Variants in DENND5A observed in about 807,000 individuals in gnomAD.
The protein encoded by DENND5A is DENN domain containing 5A.
A neutral mutation model predicts 140.3 loss-of-function variants in DENND5A; 64 were observed. The observed-to-expected ratio is 0.46, with a 90% CI of 0.37 to 0.56. The LOEUF (loss-of-function observed/expected upper bound fraction) is 0.56, where lower values mean the gene tolerates loss of function less well. Among genes scored for constraint, DENND5A ranks in the 20% least tolerant of loss-of-function variants. The probability of loss-of-function intolerance (pLI) is 0.00; values close to 1 mark genes in which losing one functional copy is unlikely to be tolerated. For missense variants in DENND5A, 1,292 were observed against 1,593.8 expected (o/e 0.81, Z 3.22); for synonymous variants, 605 against 607.7 (o/e 1.00, Z 0.07).
At chr11:9,148,754 C>T (rs1331222349) in intron 15 of DENND5A, among the ~76,000 whole-genome samples, 3 of 152,168 alleles carry the variant, frequency 2.0e-5, no homozygotes, top group Non-Finnish European at 2.9e-5. Flanking sequence ...TGCTTTTGTT[C>T]TCTCTGAGCT....
chr11:9,258,504 C>T (rs1172444910), intron 1 of DENND5A, among the ~76,000 whole-genome samples: 1 of 152,158 alleles, frequency 6.6e-6, no homozygotes, highest in Non-Finnish European at 1.5e-5. Context: ...TATGTGCCAT[C>T]TTCTTTATCC....
chr11:9,164,067 T>TTG (rs1848092786), intron 11 of DENND5A, among the ~76,000 whole-genome samples: 11 of 88,060 alleles, frequency 1.2e-4, no homozygotes, highest in Non-Finnish European at 9.8e-5. Context: ...TTTTTTTTTT[T>TTG]TTTTTTTTTT....
chr11:9,226,939 C>T (rs1340363245), intron 1 of DENND5A, among the ~76,000 whole-genome samples: 3 of 152,010 alleles, frequency 2.0e-5, no homozygotes, highest in Non-Finnish European at 4.4e-5. Context: ...GAGGCCAAGG[C>T]GGGCAGATCA....
chr11:9,252,932 C>A (rs1851794226), intron 1 of DENND5A, among the ~76,000 whole-genome samples: 1 of 151,440 alleles, frequency 6.6e-6, no homozygotes, highest in African/African-American at 2.4e-5. Context: ...TCACCACAGT[C>A]TGGACCTCCC....
At chr11:9,246,611 C>CA (rs369946476) in intron 1 of DENND5A, among the ~76,000 whole-genome samples, 21,350 of 62,632 alleles carry the variant, frequency 0.34, 2,376 homozygotes, top group Non-Finnish European at 0.37. Flanking sequence ...AACTAAGTCT[C>CA]AAAAAAAAAA....
intron 11 of DENND5A, among the ~76,000 whole-genome samples, chr11:9,165,522 C>T (rs1848160569): frequency 6.6e-6 from 1 of 152,124 alleles, no homozygotes; most frequent in Admixed American, 6.5e-5. Flanking sequence ...TCACTGTAGC[C>T]TTGACTTCCC....
At chr11:9,227,880 G>A (rs1850596435) in intron 1 of DENND5A, among the ~76,000 whole-genome samples, 1 of 151,970 alleles carries the variant, frequency 6.6e-6, no homozygotes, top group Non-Finnish European at 1.5e-5. Flanking sequence ...GGCCGTGGGG[G>A]CGGGTGGCGA....
Position 9,212,821 on chromosome 11 carries a change from A to G in DENND5A, c.110-5189T>C, listed in dbSNP as rs892544871. Among the ~76,000 whole-genome samples, 4 of 152,124 alleles carry G rather than the reference A, an allele frequency of 2.6e-5. No homozygotes were observed. In the East Asian group the frequency reaches 7.7e-4, roughly 29 times the overall value. On this transcript the variant is annotated intron_variant, in intron 1 of 22. Coordinates refer to ENST00000328194, the MANE Select transcript of DENND5A (RefSeq NM_015213.4). ...TTACGTATTGTGTGATTCCATTTATATAATATTCTTGAAACAATAAAATTA... is the reference window on the plus strand; with the variant it reads ...TTACGTATTGTGTGATTCCATTTATGTAATATTCTTGAAACAATAAAATTA...
intron 14 of DENND5A, 95 bp from the exon 15 acceptor site, chr11:9,150,304 A>T: frequency 1.4e-6 from 2 of 1,446,300 alleles, no homozygotes; most frequent in Non-Finnish European, 1.9e-6. Flanking sequence ...ACCTGCTGAG[A>T]CAGACTTATC....
rs1386814768 is a variant in DENND5A at position 9,207,650 on chromosome 11, T to C, written c.110-18A>G. Reference sequence around the variant, plus strand: ...GCATAATGCTATATGATAAATGAAATAACAGAGTATTACAATAAAGCAGTG... The same window carrying C: ...GCATAATGCTATATGATAAATGAAACAACAGAGTATTACAATAAAGCAGTG... On this transcript the variant is annotated intron_variant, in intron 1 of 22. Coordinates refer to ENST00000328194, the MANE Select transcript of DENND5A (RefSeq NM_015213.4). 2.2e-5 allele frequency: 34 copies of C among 1,553,436 alleles called. No homozygotes were observed. The highest frequency in any genetic ancestry group is 2.9e-5 in the Non-Finnish European group (33 of 1,125,664).
At chr11:9,175,557 T>C (rs1209295352) in intron 8 of DENND5A, 1 of 152,198 alleles carries the variant, frequency 6.6e-6, no homozygotes, top group Non-Finnish European at 1.5e-5. Flanking sequence ...CTACTTGATT[T>C]CAAGATTTAA....
chr11:9,167,473 A>AT (rs1436484917), intron 10 of DENND5A, among the ~76,000 whole-genome samples: 1 of 141,492 alleles, frequency 7.1e-6, no homozygotes, highest in African/African-American at 2.5e-5. Flanking sequence ...GAGATGAAAG[A>AT]TTAAAAAAAA....
chr11:9,226,456 A>T (rs1850533493), intron 1 of DENND5A, among the ~76,000 whole-genome samples: 1 of 152,162 alleles, frequency 6.6e-6, no homozygotes, highest in Admixed American at 6.6e-5. Context: ...TACCTTGACA[A>T]TGGGAAAAAA....
Position 9,170,596 on chromosome 11 carries a change from T to A in DENND5A, c.2057+31A>T. The A allele has an allele frequency of 1.2e-6, 2 of 1,610,282 alleles. 1 individual carries two copies. The highest frequency in any genetic ancestry group is 2.2e-5 in the South Asian group (2 of 90,788). On this transcript the variant is annotated intron_variant, in intron 9 of 22. Coordinates refer to ENST00000328194, the MANE Select transcript of DENND5A (RefSeq NM_015213.4). ...AGATGACCCTATTACAGCTAGGGAG[T>A]TGGATTAGTGAATCCCTGGGGTTGA...
intron 1 of DENND5A, among the ~76,000 whole-genome samples, chr11:9,241,958 G>A (rs543094342): frequency 2.3e-4 from 34 of 148,662 alleles, no homozygotes; most frequent in Middle Eastern, 7.0e-3. Flanking sequence ...AGGTTGTGGT[G>A]AGCAGAGATT....
chr11:9,205,504 T>C (rs1411794828), intron 3 of DENND5A, among the ~76,000 whole-genome samples: 1 of 152,198 alleles, frequency 6.6e-6, no homozygotes, highest in Non-Finnish European at 1.5e-5. Context: ...TTTCTTCATC[T>C]GTGAAATAAT....
At chr11:9,234,921 G>T (rs190923357) in intron 1 of DENND5A, among the ~76,000 whole-genome samples, 1 of 152,030 alleles carries the variant, frequency 6.6e-6, no homozygotes, top group Non-Finnish European at 1.5e-5. Flanking sequence ...TGAGACTCCC[G>T]ATTTCCCACT....
intron 1 of DENND5A, among the ~76,000 whole-genome samples, chr11:9,263,238 TATCACCCAGACTGGAGTGTAGTGGCGCA>T (rs1227907789): frequency 6.6e-6 from 1 of 151,838 alleles, no homozygotes; most frequent in African/African-American, 2.4e-5. Context: ...AGTCTCGCTT[TATCACCCAGACTGGAGTGTAGTGGCGCA>T]ATCACCCAGA....
At chr11:9,264,909 T>C in intron 1 of DENND5A, 52 bp downstream of exon 1, 1 of 1,434,720 alleles carries the variant, frequency 7.0e-7, no homozygotes. Flanking sequence ...TCTTCTGGGG[T>C]CCCCGACGAC....
Sources: allele counts gnomAD v4.1 joint callset (sites outside exome capture counted in the v4.1 genomes callset), GRCh38; gene constraint gnomAD v4.1.1; transcripts MANE v1.5; gene names NCBI Gene and HGNC (gene_info 2026-07-23, HGNC 2026-07-21).